Variants in MSL3 observed in about 807,000 individuals in gnomAD.
The protein encoded by MSL3 is MSL3-like 1.
In MSL3, 5 loss-of-function variants were observed where a neutral mutation model predicts 37.2. The ratio of observed to expected loss-of-function variants is 0.13; its 90% confidence interval spans 0.07 to 0.28. The LOEUF (loss-of-function observed/expected upper bound fraction) is 0.28. Among genes scored for constraint, MSL3 ranks in the 10% least tolerant of loss-of-function variants. The pLI is 1.00. For missense variants in MSL3, 315 were observed against 408.5 expected (o/e 0.77, Z 1.97); for synonymous variants, 149 against 147.6 (o/e 1.01, Z -0.07).
chrX:11,765,960 T>G, intron 9 of MSL3: 1 of 1,029,826 alleles, frequency 9.7e-7, no homozygotes. Flanking sequence ...TCCTCAGCCT[T>G]TCTTTTTTGC....
At chrX:11,766,638 A>G (rs1400718846) in intron 9 of MSL3, 3 of 753,263 alleles carry the variant, frequency 4.0e-6, no homozygotes, top group Non-Finnish European at 4.7e-6. Context: ...AGGGCCGACG[A>G]TGTCACCTGG....
Position 11,760,880 on chromosome X carries a change from G to A in MSL3, c.325G>A (p.Val109Met). ...GAAGAAGCGCTGCAGGTTGCCTGGT[G>A]TGGACTCTGTCTTAAAAGGCCTCCC... ...RKKKRCRLPG[V>M]DSVLKGLPTE... Residue 109 changes from valine to methionine, a missense_variant, in exon 4 of 13, where the codon GTG (valine) becomes ATG (methionine). Physicochemically the swap from Val to Met is conservative, Grantham distance 21. Transcript: ENST00000312196. 8.3e-7 allele frequency: 1 copy of A among 1,203,717 alleles called. No homozygotes were observed. Among genetic ancestry groups the A allele is most frequent in the South Asian group, 1.8e-5 (1 of 55,395 alleles).
chrX:11,766,645 C>T (rs1245410337), intron 9 of MSL3: 1 of 753,282 alleles, frequency 1.3e-6, no homozygotes, highest in Non-Finnish European at 1.6e-6. Flanking sequence ...ACGATGTCAC[C>T]TGGTGCCTCG....
At position 11,759,809 on chromosome X, in the gene MSL3, T is replaced by C. The variant is rs1388736369; in HGVS notation, c.119T>C (p.Val40Ala). ...LYDAKIVDVIVGKDEKGRKIP... is the reference protein window; with the variant it reads ...LYDAKIVDVIAGKDEKGRKIP... ...TCGTTTCAGATTGTTGATGTTATTG[T>C]TGGGAAAGACGAAAAAGGCAGAAAG... The change falls in exon 2 of 13, where the codon GTT (valine) becomes GCT (alanine). Residue 40 changes from valine to alanine, a missense_variant. Physicochemically the swap from Val to Ala is moderately conservative, Grantham distance 64. Transcript: ENST00000312196. The C allele has an allele frequency of 1.2e-5, 14 of 1,210,371 alleles. No homozygotes were observed. Among genetic ancestry groups the C allele is most frequent in the Non-Finnish European group, 1.6e-5 (14 of 895,015 alleles).
At chrX:11,764,773 C>T (rs1399383111) in intron 8 of MSL3, among the ~76,000 whole-genome samples, 2 of 112,005 alleles carry the variant, frequency 1.8e-5, no homozygotes, top group Admixed American at 1.9e-4. Context: ...TCATGGCTGT[C>T]AGCTCCCCAG....
In MSL3 at chrX:11,760,891, C is replaced by T; in HGVS notation, c.336C>T (p.Val112=). The T allele has an allele frequency of 8.3e-7, 1 of 1,201,446 alleles. No homozygotes were observed. Among genetic ancestry groups the T allele is most frequent in the Non-Finnish European group, 1.1e-6 (1 of 889,747 alleles). ...GCAGGTTGCCTGGTGTGGACTCTGTCTTAAAAGGCCTCCCCACTGAAGAAA... is the reference window on the plus strand; with the variant it reads ...GCAGGTTGCCTGGTGTGGACTCTGTTTTAAAAGGCCTCCCCACTGAAGAAA... ...KRCRLPGVDS[V]LKGLPTEEKD... Residue 112 remains valine, a synonymous_variant, in exon 4 of 13, where the codon GTC becomes GTT. Transcript: ENST00000312196.
In MSL3 at chrX:11,760,483, A is replaced by C. The variant is rs760206428; in HGVS notation, c.266A>C (p.Lys89Thr). 6 of 1,192,504 alleles carry C rather than the reference A, an allele frequency of 5.0e-6. No individual in the cohort carries two copies. In the African/African-American group the frequency reaches 1.1e-4, roughly 21 times the overall value. ...AGATTACAGCGTAAATTGGCAAGAA[A>C]AGCTGTAGCTCGCCTGTAAGAATAC... is the stretch of plus-strand genomic sequence containing the variant. ...NRRLQRKLAR[K>T]AVARLRSTGR... Residue 89 changes from lysine to threonine, a missense_variant, in exon 3 of 13, where the codon AAA becomes ACA. Lys to Thr is a moderately conservative substitution (Grantham distance 78). Transcript: ENST00000312196.
At chrX:11,759,695 TG>T (rs2053110988) in intron 1 of MSL3, 97 bp from the exon 2 acceptor site, 1 of 1,175,274 alleles carries the variant, frequency 8.5e-7, no homozygotes, top group Non-Finnish European at 1.1e-6. Flanking sequence ...GAGGAGAGAA[TG>T]CTTTCTTTAA....
rs919051113 is a variant in MSL3 at position 11,763,920 on chromosome X, G to A, written c.890G>A (p.Ser297Asn). ...SSKFFLPIKE[S>N]ATSTNRSQEE... The stretch of plus-strand genomic sequence containing the variant: ...AAATTTTTTCTTCCAATTAAGGAAA[G>A]TGCCACAAGCACTAACAGGTAAGTT... Residue 297 changes from serine (S) to asparagine (N), a missense_variant, in exon 8 of 13, where the codon AGT (serine) becomes AAT (asparagine). Ser to Asn is a conservative substitution (Grantham distance 46, BLOSUM62 1). Transcript: ENST00000312196. 1 of 1,207,390 alleles carries A rather than the reference G, an allele frequency of 8.3e-7. No individual in the cohort carries two copies. The highest frequency in any genetic ancestry group is 1.7e-5 in the African/African-American group (1 of 57,206).
At chrX:11,761,478 C>T (rs372081962) in intron 4 of MSL3, 22 bp from the exon 5 acceptor site, 31 of 1,116,424 alleles carry the variant, frequency 2.8e-5, no homozygotes, top group African/African-American at 1.5e-4. Context: ...GCGAGTTTAC[C>T]GGATGCTTTT....
intron 10 of MSL3, among the ~76,000 whole-genome samples, chrX:11,769,672 T>G (rs772679659): frequency 8.9e-6 from 1 of 112,400 alleles, no homozygotes; most frequent in South Asian, 3.7e-4. Flanking sequence ...GGCAGGATGT[T>G]AGCTCACTGC....
intron 9 of MSL3, chrX:11,766,014 A>G: frequency 9.0e-6 from 9 of 1,001,708 alleles, no homozygotes; most frequent in African/African-American, 1.9e-5. Flanking sequence ...TCAGAATTCT[A>G]TGTATTGTGT....
intron 10 of MSL3, among the ~76,000 whole-genome samples, chrX:11,769,880 A>G (rs1157355568): frequency 8.9e-6 from 1 of 112,792 alleles, no homozygotes; most frequent in Non-Finnish European, 1.9e-5. Flanking sequence ...TGCTGGGGTT[A>G]CAGGCATGAG....
At chrX:11,762,805 CAT>C (rs1463349320) in intron 6 of MSL3, 30 bp from the exon 7 acceptor site, 1 of 1,164,285 alleles carries the variant, frequency 8.6e-7, no homozygotes, top group Non-Finnish European at 1.2e-6. Context: ...CATTAGGATG[CAT>C]ACATCAGATG....
chrX:11,772,389 C>G, intron 11 of MSL3, 134 bp downstream of exon 11: 1 of 533,067 alleles, frequency 1.9e-6, no homozygotes, highest in Non-Finnish European at 3.0e-6. Flanking sequence ...TAAAAGTAAT[C>G]TATCAAAGAA....
intron 2 of MSL3, 40 bp from the exon 3 acceptor site, chrX:11,760,363 T>G (rs978759610): frequency 9.8e-7 from 1 of 1,018,108 alleles, no homozygotes; most frequent in East Asian, 3.2e-5. Context: ...TTGTTTCATA[T>G]CAAACTAAAG....
intron 9 of MSL3, chrX:11,766,655 G>C (rs768803661): frequency 1.5e-4 from 111 of 753,039 alleles, no homozygotes; most frequent in Non-Finnish European, 1.6e-4. Context: ...CTGGTGCCTC[G>C]CGGGCTCAGT....
At chrX:11,758,791 C>A (rs747129362) in intron 1 of MSL3, 1 of 1,162,268 alleles carries the variant, frequency 8.6e-7, no homozygotes, top group Non-Finnish European at 1.2e-6. Context: ...TTCATAGTTA[C>A]ACGGCGCTGG....
In MSL3 at chrX:11,761,198, T is replaced by C. The variant is rs1275209434; in HGVS notation, c.382+261T>C. 11 of 353,498 alleles carry C rather than the reference T, an allele frequency of 3.1e-5. No homozygotes were observed. The East Asian group carries it at 5.0e-4, about 16-fold the overall frequency. The allele number at this position is 353,498 out of a possible 1,213,427, so 29.1% of individuals were successfully genotyped here. On this transcript the variant is annotated intron_variant, in intron 4 of 12. Transcript: ENST00000312196. The stretch of plus-strand genomic sequence containing the variant: ...CTCATGGGTGTGTTCTCATGGGATC[T>C]GTTCTCTTTTTGGCACCTCCCAGGC...
Sources: allele counts gnomAD v4.1 joint callset (sites outside exome capture counted in the v4.1 genomes callset), GRCh38; gene constraint gnomAD v4.1.1; transcripts MANE v1.5; gene names NCBI Gene and HGNC (gene_info 2026-07-23, HGNC 2026-07-21).